The following DCC variants were observed in gnomAD, a reference collection of about 807,000 sequenced individuals.
DCC encodes DCC netrin 1 receptor.
Under a neutral mutation model 172.5 loss-of-function variants are expected in DCC, and 58 were observed. The ratio of observed to expected loss-of-function variants is 0.34; its 90% CI spans 0.27 to 0.42. The LOEUF (loss-of-function observed/expected upper bound fraction) is 0.42, where lower values mean the gene tolerates loss of function less well. Ranked by LOEUF, DCC falls within the 10% of genes least tolerant of loss-of-function variation. The pLI is 1.00. For synonymous variants in DCC, 709 were observed against 644.5 expected (o/e 1.10, Z -1.52); for missense variants, 1,740 against 1,791.0 (o/e 0.97, Z 0.51).
At chr18:53,521,722 T>C (rs1024080089) in intron 27 of DCC, among the ~76,000 whole-genome samples, 10 of 152,144 alleles carry the variant, frequency 6.6e-5, no homozygotes, top group Admixed American at 5.9e-4. Flanking sequence ...TGCATGTGTT[T>C]GGTTACATAT....
rs1475239129 is a variant in DCC at position 53,078,255 on chromosome 18, C to A, written c.1261+12089C>A. On this transcript the variant is annotated intron_variant, in intron 7 of 28. Coordinates refer to ENST00000442544, the MANE Select transcript of DCC (RefSeq NM_005215.4). ...GCAGTGAAATATGATGGGGCCACTG[C>A]ACTCCAGCCTGGGCAACAGAGCAAG... Among the ~76,000 whole-genome samples, 6 of 152,176 alleles carry A rather than the reference C, an allele frequency of 3.9e-5. No individual in the cohort carries two copies. The South Asian group carries it at 1.0e-3, about 26-fold the overall frequency.
intron 2 of DCC, among the ~76,000 whole-genome samples, chr18:52,879,412 C>CCTTTTTTTTTTTTTTTTTTTTT (rs2039447955): frequency 1.6e-5 from 1 of 62,356 alleles, no homozygotes; most frequent in African/African-American, 6.9e-5. Context: ...TGTTGTTTGG[C>CCTTTTTTTTTTTTTTTTTTTTT]TTTTTTTTTT....
intron 1 of DCC, among the ~76,000 whole-genome samples, chr18:52,694,723 C>CTG (rs1231969443): frequency 6.6e-6 from 1 of 152,042 alleles, no homozygotes; most frequent in Non-Finnish European, 1.5e-5. Context: ...TGGGACTGGA[C>CTG]TGTGGCTCTC....
At chr18:53,360,663 A>G (rs1157064133) in intron 15 of DCC, among the ~76,000 whole-genome samples, 1 of 152,210 alleles carries the variant, frequency 6.6e-6, no homozygotes, top group Non-Finnish European at 1.5e-5. Flanking sequence ...AAACAGAACT[A>G]CAATAAAGCA....
intron 12 of DCC, among the ~76,000 whole-genome samples, chr18:53,260,916 C>A (rs1035103580): frequency 2.0e-5 from 3 of 152,152 alleles, no homozygotes; most frequent in Admixed American, 6.5e-5. Context: ...GCACCCCTCC[C>A]CCAGCCTCGC....
At chr18:52,892,320 T>C (rs2039663153) in intron 2 of DCC, 1 of 152,068 alleles carries the variant, frequency 6.6e-6, no homozygotes, top group African/African-American at 2.4e-5. Flanking sequence ...CTACCACACA[T>C]ACCTGCAGCC....
intron 2 of DCC, among the ~76,000 whole-genome samples, chr18:52,799,038 C>G (rs145844955): frequency 1.3e-5 from 2 of 152,152 alleles, no homozygotes; most frequent in African/African-American, 4.8e-5. Flanking sequence ...CGTGAGCCAC[C>G]GTGGCCAGCC....
intron 2 of DCC, among the ~76,000 whole-genome samples, chr18:52,814,710 G>A (rs1290696687): frequency 6.6e-6 from 1 of 152,134 alleles, no homozygotes; most frequent in African/African-American, 2.4e-5. Context: ...AGAATTCATA[G>A]GCTATAGAAT....
chr18:52,830,097 G>T (rs1794191080), intron 2 of DCC, among the ~76,000 whole-genome samples: 1 of 152,120 alleles, frequency 6.6e-6, no homozygotes, highest in African/African-American at 2.4e-5. Context: ...ATAACAAATA[G>T]ACCAGCATGA....
At chr18:52,775,650 C>A (rs73463750) in intron 2 of DCC, among the ~76,000 whole-genome samples, 1 of 152,282 alleles carries the variant, frequency 6.6e-6, no homozygotes, top group East Asian at 1.9e-4. Flanking sequence ...AGGCCTGCCA[C>A]TATTAGTTGG....
At chr18:52,887,380 G>A (rs1198863861) in intron 2 of DCC, among the ~76,000 whole-genome samples, 1 of 151,290 alleles carries the variant, frequency 6.6e-6, no homozygotes, top group Admixed American at 6.6e-5. Flanking sequence ...TCTATCCTTT[G>A]TGCTGCCTAA....
At chr18:52,965,757 T>C (rs1349258779) in intron 5 of DCC, among the ~76,000 whole-genome samples, 1 of 152,142 alleles carries the variant, frequency 6.6e-6, no homozygotes, top group East Asian at 1.9e-4. Context: ...TAATTTATAT[T>C]TGTGGTCTAA....
intron 2 of DCC, among the ~76,000 whole-genome samples, chr18:52,796,102 CTTTT>C (rs34489844): frequency 6.9e-6 from 1 of 144,858 alleles, no homozygotes; most frequent in African/African-American, 2.6e-5. Flanking sequence ...CATGGAATAT[CTTTT>C]TTTATCCCTT....
chr18:53,488,767 G>A (rs896118654), intron 26 of DCC, among the ~76,000 whole-genome samples: 1 of 152,308 alleles, frequency 6.6e-6, no homozygotes, highest in East Asian at 1.9e-4. Context: ...TGAGTAGGTT[G>A]TGTGTATGTG....
chr18:53,008,918 C>A (rs2041686268), intron 5 of DCC, among the ~76,000 whole-genome samples: 1 of 151,970 alleles, frequency 6.6e-6, no homozygotes, highest in Non-Finnish European at 1.5e-5. Flanking sequence ...TTAAAACTCA[C>A]AACCCGTATT....
rs543017507 is a variant in DCC, at chr18:53,530,656, T to A, written c.*3T>A. ...CCATCACAGGCTCAGCCTTTTAACA[T>A]GTATTTCTGAATGGATGAGGTGAAT... On this transcript the variant is annotated 3_prime_UTR_variant, in exon 29 of 29. Transcript: ENST00000442544. 78 of 1,533,772 alleles carry A rather than the reference T, an allele frequency of 5.1e-5. 1 individual carries two copies. In the South Asian group the frequency reaches 8.3e-4, roughly 16 times the overall value.
chr18:53,126,505 C>CT (rs2043559391), intron 7 of DCC, among the ~76,000 whole-genome samples: 1 of 151,784 alleles, frequency 6.6e-6, no homozygotes, highest in African/African-American at 2.4e-5. Context: ...TTAGTATTAT[C>CT]TTTTTGGGCT....
chr18:53,279,096 T>C (rs998108220), intron 12 of DCC, among the ~76,000 whole-genome samples: 3 of 152,180 alleles, frequency 2.0e-5, no homozygotes, highest in Non-Finnish European at 2.9e-5. Context: ...TTTTCAATGA[T>C]CGCCATTCTA....
intron 2 of DCC, among the ~76,000 whole-genome samples, chr18:52,852,392 G>A (rs893643009): frequency 6.6e-6 from 1 of 152,048 alleles, no homozygotes; most frequent in African/African-American, 2.4e-5. Context: ...TCATCCATCT[G>A]TTTCTCTTTA....
Sources: allele counts gnomAD v4.1 joint callset (sites outside exome capture counted in the v4.1 genomes callset), GRCh38; gene constraint gnomAD v4.1.1; transcripts MANE v1.5; gene names NCBI Gene and HGNC (gene_info 2026-07-23, HGNC 2026-07-21).